The following SYT1 variants were observed in gnomAD, a reference collection of about 807,000 sequenced individuals.
The protein encoded by SYT1 is synaptotagmin-1.
Under a neutral mutation model 44.8 loss-of-function variants are expected in SYT1, and 8 were observed. That is an observed-to-expected ratio of 0.18 (90% confidence interval 0.10 to 0.32). SYT1 has a LOEUF of 0.32. SYT1 is among the 10% of genes least tolerant of loss of function. The pLI is 1.00. For missense variants in SYT1, 286 were observed against 509.3 expected, an observed-to-expected ratio of 0.56 and a Z score of 4.22; for synonymous variants, 154 against 188.8, an observed-to-expected ratio of 0.82 and a Z score of 1.51.
intron 3 of SYT1, among the ~76,000 whole-genome samples, chr12:79,060,702 C>T (rs1875319343): frequency 6.6e-6 from 1 of 151,978 alleles, no homozygotes; most frequent in Non-Finnish European, 1.5e-5. Context: ...TTTTGTTTAT[C>T]CATTTATCTG....
At chr12:78,950,462 T>A (rs11112030) in intron 1 of SYT1, among the ~76,000 whole-genome samples, 25,090 of 152,038 alleles carry the variant, frequency 0.17, 2,395 homozygotes, top group East Asian at 0.3. Context: ...GACCAGTTTC[T>A]GTGGAATATA....
chr12:79,261,258 C>T (rs1439305177), intron 4 of SYT1, among the ~76,000 whole-genome samples: 1 of 152,210 alleles, frequency 6.6e-6, no homozygotes, highest in Non-Finnish European at 1.5e-5. Context: ...ACTTAATGAT[C>T]TATGCCACAT....
chr12:78,931,053 T>C (rs1362245209), intron 1 of SYT1, among the ~76,000 whole-genome samples: 3 of 150,644 alleles, frequency 2.0e-5, no homozygotes. Context: ...TCCCAGCTAC[T>C]TGGGAGGCTG....
At chr12:78,917,362 T>C (rs765472043) in intron 1 of SYT1, among the ~76,000 whole-genome samples, 2 of 151,882 alleles carry the variant, frequency 1.3e-5, no homozygotes, top group Non-Finnish European at 2.9e-5. Flanking sequence ...ATACCCAAAG[T>C]TGACTGTAGG....
intron 3 of SYT1, among the ~76,000 whole-genome samples, chr12:79,128,085 AG>A (rs1017915152): frequency 1.3e-5 from 2 of 152,136 alleles, no homozygotes; most frequent in Non-Finnish European, 2.9e-5. Flanking sequence ...ATAATTAGAT[AG>A]AGAGATTAGA....
chr12:79,379,174 C>G (rs1408934095), intron 9 of SYT1, among the ~76,000 whole-genome samples: 10 of 151,890 alleles, frequency 6.6e-5, no homozygotes, highest in Non-Finnish European at 1.5e-4. Flanking sequence ...TCCTCAGACC[C>G]AATAAACATA....
chr12:78,943,897 A>T (rs1046020057), intron 1 of SYT1, among the ~76,000 whole-genome samples: 5 of 152,330 alleles, frequency 3.3e-5, no homozygotes, highest in Middle Eastern at 3.4e-3. Context: ...GCATCACATG[A>T]TCCATCTGGC....
intron 4 of SYT1, among the ~76,000 whole-genome samples, chr12:79,285,458 C>T (rs1879263401): frequency 2.0e-5 from 3 of 152,072 alleles, no homozygotes. Flanking sequence ...ATGGTGAAGC[C>T]AGGATTTAAA....
In SYT1 at chr12:79,120,827, T is replaced by C. The variant is rs73355551; in HGVS notation, c.-18+73465T>C. Among the ~76,000 whole-genome samples, 1,378 of 152,136 alleles carry C rather than the reference T, an allele frequency of 9.1e-3. 26 individuals carry two copies. The highest frequency in any genetic ancestry group is 0.032 in the African/African-American group (1,309 of 41,496). ...TTTACAGCTGAAAATCCAATGCATG[T>C]AGCAGTTCAGTGACTTTAATGATGG... On this transcript the variant is annotated intron_variant, in intron 3 of 10. Transcript: ENST00000261205.
At chr12:79,159,279 T>C (rs1386082032) in intron 3 of SYT1, among the ~76,000 whole-genome samples, 1 of 152,178 alleles carries the variant, frequency 6.6e-6, no homozygotes, top group East Asian at 1.9e-4. Flanking sequence ...ACATATCATA[T>C]TCAGCATTTT....
At chr12:79,394,851 T>G (rs1465045) in intron 9 of SYT1, among the ~76,000 whole-genome samples, 20,900 of 152,136 alleles carry the variant, frequency 0.14, 1,915 homozygotes, top group Middle Eastern at 0.34. Context: ...CACAATACAG[T>G]TTTTTCACTA....
At chr12:79,051,300 TA>T (rs1245410097) in intron 3 of SYT1, among the ~76,000 whole-genome samples, 1 of 150,398 alleles carries the variant, frequency 6.6e-6, no homozygotes, top group Non-Finnish European at 1.5e-5. Flanking sequence ...CTCCACAGTA[TA>T]ACCTTTATAA....
At position 79,046,223 on chromosome 12, in the gene SYT1, C is replaced by G. The variant is rs995264958; in HGVS notation, c.-83-1074C>G. The G allele has an allele frequency of 6.6e-5, 10 of 152,286 alleles. No homozygotes were observed. The East Asian group carries it at 1.9e-3, about 29-fold the overall frequency. The allele number at this position is 152,286 out of a possible 1,614,324, so 9.4% of individuals were successfully genotyped here. A position where few individuals can be genotyped will look rare whatever the true frequency, so the allele number is the denominator to read the frequency against. On this transcript the variant is annotated intron_variant, in intron 2 of 10. Coordinates refer to ENST00000261205, the MANE Select transcript of SYT1 (RefSeq NM_005639.3). ...TGCAGTAAATGAGGTTTTGGAAATA[C>G]CGCTGTCACTTTAGATATTTTATGC...
chr12:79,026,310 G>A (rs977231733), intron 2 of SYT1, among the ~76,000 whole-genome samples: 7 of 151,442 alleles, frequency 4.6e-5, no homozygotes, highest in African/African-American at 1.7e-4. Flanking sequence ...TCTTGATGAA[G>A]GAGGAGTGCA....
chr12:79,283,465 C>A (rs1393432736), intron 4 of SYT1, among the ~76,000 whole-genome samples: 1 of 152,046 alleles, frequency 6.6e-6, no homozygotes, highest in Admixed American at 6.5e-5. Flanking sequence ...TTTTTGTGAA[C>A]TTGTCAAATC....
chr12:79,056,664 C>T (rs974423664), intron 3 of SYT1, among the ~76,000 whole-genome samples: 12 of 152,088 alleles, frequency 7.9e-5, no homozygotes, highest in African/African-American at 2.9e-4. Flanking sequence ...ATTGTTATTA[C>T]ATGCACCATT....
chr12:79,101,834 A>G (rs1380057001), intron 3 of SYT1, among the ~76,000 whole-genome samples: 2 of 152,182 alleles, frequency 1.3e-5, no homozygotes, highest in African/African-American at 2.4e-5. Context: ...TGAGCCTGAC[A>G]GGTCGAGGCT....
chr12:78,890,309 C>T (rs1874979722), intron 1 of SYT1, among the ~76,000 whole-genome samples: 1 of 151,790 alleles, frequency 6.6e-6, no homozygotes, highest in African/African-American at 2.4e-5. Flanking sequence ...AGGGAAAGAA[C>T]CTTAGATCCA....
chr12:78,968,882 G>C (rs762529190), intron 1 of SYT1, among the ~76,000 whole-genome samples: 1 of 152,130 alleles, frequency 6.6e-6, no homozygotes, highest in Non-Finnish European at 1.5e-5. Context: ...TCATGTGTGT[G>C]AATAAGACAA....
Sources: allele counts gnomAD v4.1 joint callset (sites outside exome capture counted in the v4.1 genomes callset), GRCh38; gene constraint gnomAD v4.1.1; transcripts MANE v1.5; gene names NCBI Gene and HGNC (gene_info 2026-07-23, HGNC 2026-07-21).